Variants in ITPKB observed in about 807,000 individuals in gnomAD.
ITPKB encodes the protein IP3 3-kinase B.
A neutral mutation model predicts 69.4 loss-of-function variants in ITPKB; 13 were observed. The ratio of observed to expected loss-of-function variants is 0.19; its 90% CI spans 0.12 to 0.30. The LOEUF is 0.30. ITPKB is among the 10% of genes least tolerant of loss of function. The pLI, the probability that ITPKB is intolerant of heterozygous loss-of-function variation, is 1.00. For synonymous variants in ITPKB, 584 were observed against 513.7 expected, an observed-to-expected ratio of 1.14 and a Z score of -1.85; for missense variants, 1,240 against 1,250.5, an observed-to-expected ratio of 0.99 and a Z score of 0.13.
intron 2 of ITPKB, among the ~76,000 whole-genome samples, chr1:226,699,750 AAAAG>A (rs906236371): frequency 3.9e-4 from 59 of 152,308 alleles, no homozygotes; most frequent in African/African-American, 1.3e-3. Context: ...GAAAGAAAGA[AAAAG>A]AAAGAAAGAC....
chr1:226,658,365 C>G (rs943256167), intron 2 of ITPKB, among the ~76,000 whole-genome samples: 3 of 152,206 alleles, frequency 2.0e-5, no homozygotes, highest in Admixed American at 6.5e-5. Flanking sequence ...ATAGCTCCCT[C>G]CTGTAGCCCT....
chr1:226,652,679 C>T (rs1215680675), intron 2 of ITPKB, among the ~76,000 whole-genome samples: 2 of 152,198 alleles, frequency 1.3e-5, no homozygotes, highest in Non-Finnish European at 2.9e-5. Context: ...TACCTGGTCC[C>T]CTGCCCAGGG....
rs771048902 is a variant in ITPKB, at chr1:226,647,320, C to A, written c.2093G>T (p.Arg698Leu). The change falls in exon 4 of 8, where the codon CGC (arginine) becomes CTC (leucine). Residue 698 changes from arginine to leucine, a missense_variant. Arg to Leu is a moderately radical substitution (Grantham distance 102). Around this residue, in one of 2 missense-constraint regions of ITPKB, gnomAD observed 248 missense variants for 396.7 expected, o/e 0.63. Transcript: ENST00000429204. The part of the protein sequence containing the change: ...ILKKHCESEQ[R>L]CLDRLMVDVL... ...ATCCACCATCAGCCGGTCCAGGCAGCGCTGCTCTGACTCACAGTGCTTCTT... is the reference window on the plus strand; with the variant it reads ...ATCCACCATCAGCCGGTCCAGGCAGAGCTGCTCTGACTCACAGTGCTTCTT... 6.2e-7 allele frequency: 1 copy of A among 1,614,170 alleles called. No individual in the cohort carries two copies.
chr1:226,709,956 C>T (rs1269403931), intron 2 of ITPKB, among the ~76,000 whole-genome samples: 2 of 152,194 alleles, frequency 1.3e-5, no homozygotes, highest in Non-Finnish European at 2.9e-5. Flanking sequence ...CTGACAGCAT[C>T]CTGCCTGGGG....
intron 2 of ITPKB, chr1:226,676,097 T>C (rs138473009): frequency 1.3e-5 from 2 of 152,324 alleles, no homozygotes; most frequent in Non-Finnish European, 2.9e-5. Context: ...GAGGCTCAGA[T>C]TGGCCCGTGT....
intron 2 of ITPKB, among the ~76,000 whole-genome samples, chr1:226,689,846 C>G (rs183305173): frequency 9.3e-4 from 142 of 152,262 alleles, no homozygotes; most frequent in Admixed American, 8.5e-4. Context: ...ATTTAGCTCC[C>G]ACTTATAATA....
intron 2 of ITPKB, among the ~76,000 whole-genome samples, chr1:226,699,425 G>C (rs1656579799): frequency 6.6e-6 from 1 of 152,246 alleles, no homozygotes; most frequent in Admixed American, 6.5e-5. Flanking sequence ...GGCCAGGCAG[G>C]TCTGGGCTCT....
At chr1:226,715,783 T>A (rs771884526) in intron 2 of ITPKB, among the ~76,000 whole-genome samples, 19 of 152,222 alleles carry the variant, frequency 1.2e-4, no homozygotes, top group Non-Finnish European at 2.1e-4. Context: ...ATTTCCTGAT[T>A]CACACTGTAA....
At chr1:226,723,147 G>A (rs1036079101) in intron 2 of ITPKB, among the ~76,000 whole-genome samples, 3 of 152,128 alleles carry the variant, frequency 2.0e-5, no homozygotes, top group Admixed American at 2.0e-4. Flanking sequence ...AAGTGAGCTG[G>A]TGTGCTCGGG....
intron 2 of ITPKB, chr1:226,707,544 T>C (rs757409648): frequency 5.6e-5 from 55 of 985,508 alleles, no homozygotes; most frequent in Non-Finnish European, 5.9e-5. Context: ...AGAATATTTG[T>C]ACATTAAGTA....
intron 2 of ITPKB, among the ~76,000 whole-genome samples, chr1:226,658,486 T>C (rs1340467724): frequency 6.6e-6 from 1 of 152,226 alleles, no homozygotes; most frequent in Non-Finnish European, 1.5e-5. Context: ...TCGGAAAAAT[T>C]AAGCCCAAGG....
Position 226,684,953 on chromosome 1 carries a change from C to T in ITPKB, c.1933-36182G>A, listed in dbSNP as rs547557816. 8.5e-5 allele frequency among the ~76,000 whole-genome samples: 13 copies of T among 152,314 alleles called. No homozygotes were observed. In the East Asian group the frequency reaches 2.5e-3, roughly 29 times the overall value. On this transcript the variant is annotated intron_variant, in intron 2 of 7. Transcript: ENST00000429204. ...GTCAACATTCCCAGGGTGGCAGATG[C>T]TGAACCCACAATCAGCCAACTCACA...
rs555704723 is a variant in ITPKB at position 226,689,615 on chromosome 1, A to G, written c.1933-40844T>C. On this transcript the variant is annotated intron_variant, in intron 2 of 7. Transcript: ENST00000429204. ...TGTGTGTGTGTGTGTGTGTGTGTGC[A>G]TGCATATGTGTTTGTGTACTTTTAA... Among the ~76,000 whole-genome samples, 30 of 121,240 alleles carry G rather than the reference A, an allele frequency of 2.5e-4. No homozygotes were observed. The South Asian group carries it at 3.8e-3, about 16-fold the overall frequency. The allele number at this position is 121,240 out of a possible 152,430, so 79.5% of individuals were successfully genotyped here.
chr1:226,681,836 C>T (rs370869496), intron 2 of ITPKB, among the ~76,000 whole-genome samples: 58 of 152,278 alleles, frequency 3.8e-4, no homozygotes, highest in South Asian at 2.3e-3. Flanking sequence ...TCCTCCAAAA[C>T]AAATGCCTGT....
At position 226,737,199 on chromosome 1, in the gene ITPKB, C is replaced by T. The variant is rs949260075; in HGVS notation, c.260G>A (p.Gly87Asp). The T allele has an allele frequency of 1.9e-6, 3 of 1,587,056 alleles. No homozygotes were observed. Among genetic ancestry groups the T allele is most frequent in the Admixed American group, 1.7e-5 (1 of 57,738 alleles). Residue 87 changes from glycine (G) to aspartate (D), a missense_variant, in exon 2 of 8, where the codon GGC (glycine) becomes GAC (aspartate). Transcript: ENST00000429204. ...ACTGCCGCTGCTGCCGCTGCCACTG[C>T]CGCTGCTACTATTCAGCCTGCGCCG... The part of the protein sequence containing the change: ...SGRRRLNSSS[G>D]SGSGSSGSSV...
At chr1:226,638,774 G>A (rs1173386872) in intron 6 of ITPKB, among the ~76,000 whole-genome samples, 2 of 152,062 alleles carry the variant, frequency 1.3e-5, no homozygotes, top group Non-Finnish European at 2.9e-5. Context: ...ATGGGGACAA[G>A]CAGGTCTACC....
chr1:226,701,623 A>C lies in ITPKB; in HGVS notation c.1932+33904T>G, dbSNP rs1247761194. ...CGTCTCAAAAAAAAAAAAAAAAAAA[A>C]AAAAAAAACTTCACTTTACCCATTT... On this transcript the variant is annotated intron_variant, in intron 2 of 7. Coordinates refer to ENST00000429204, the MANE Select transcript of ITPKB (RefSeq NM_002221.4). 1.1e-4 allele frequency among the ~76,000 whole-genome samples: 17 copies of C among 151,586 alleles called. 1 individual carries two copies. The highest frequency in any genetic ancestry group is 4.2e-4 in the South Asian group (2 of 4,816).
intron 5 of ITPKB, 97 bp from the exon 6 acceptor site, chr1:226,639,755 A>AGGTTCAGATGGGGC: frequency 2.4e-6 from 2 of 822,804 alleles, no homozygotes; most frequent in Non-Finnish European, 4.2e-6. Flanking sequence ...GGCGAGCCCC[A>AGGTTCAGATGGGGC]TCTGAACCTG....
At chr1:226,716,713 G>T (rs911125812) in intron 2 of ITPKB, among the ~76,000 whole-genome samples, 9 of 152,196 alleles carry the variant, frequency 5.9e-5, no homozygotes, top group African/African-American at 2.2e-4. Context: ...ATTTGATTCA[G>T]TTCCAACTTT....
Sources: allele counts gnomAD v4.1 joint callset (sites outside exome capture counted in the v4.1 genomes callset), GRCh38; gene constraint gnomAD v4.1.1; regional missense constraint gnomAD v4.1.1; transcripts MANE v1.5; gene names NCBI Gene and HGNC (gene_info 2026-07-23, HGNC 2026-07-21).